Variants in RASSF8 observed in about 807,000 individuals in gnomAD.
RASSF8 encodes the protein Ras association domain family member 8.
Under a neutral mutation model 48.5 loss-of-function variants are expected in RASSF8, and 22 were observed. The ratio of observed to expected loss-of-function variants is 0.45; its 90% CI spans 0.32 to 0.65. The LOEUF (loss-of-function observed/expected upper bound fraction) is 0.65. RASSF8 is among the 30% of genes least tolerant of loss of function. The pLI is 0.03. For synonymous variants in RASSF8, 127 were observed against 171.5 expected, an observed-to-expected ratio of 0.74 and a Z score of 2.03; for missense variants, 418 against 489.2, an observed-to-expected ratio of 0.85 and a Z score of 1.37.
At chr12:26,024,940 C>T (rs537597092) in intron 2 of RASSF8, among the ~76,000 whole-genome samples, 61 of 151,990 alleles carry the variant, frequency 4.0e-4, no homozygotes, top group Non-Finnish European at 6.5e-4. Context: ...GCCTGGGCAA[C>T]AGAGCGAGAC....
Position 26,065,180 on chromosome 12 carries a change from G to T in RASSF8, c.786G>T (p.Leu262Phe), listed in dbSNP as rs770944339. Reference protein sequence around the residue: ...TECENKLKDYLAQIRTMESGL... With the variant: ...TECENKLKDYFAQIRTMESGL... Reference sequence around the variant, plus strand: ...GTGAAAACAAATTAAAGGACTATTTGGCACAGATCCGGACTATGGAAAGTG... The same window carrying T: ...GTGAAAACAAATTAAAGGACTATTTTGCACAGATCCGGACTATGGAAAGTG... Residue 262 changes from leucine to phenylalanine, a missense_variant, in exon 4 of 6, where the codon TTG becomes TTT. Transcript: ENST00000689635. 3.1e-6 allele frequency: 5 copies of T among 1,614,074 alleles called. No individual in the cohort carries two copies. In the Admixed American group the frequency reaches 8.3e-5, roughly 27 times the overall value.
chr12:26,051,124 A>T (rs1006818125), intron 2 of RASSF8, among the ~76,000 whole-genome samples: 2 of 152,188 alleles, frequency 1.3e-5, no homozygotes, highest in Admixed American at 1.3e-4. Context: ...GACACTGGAA[A>T]AGTTATTTAA....
chr12:26,002,836 C>G (rs932401675), intron 2 of RASSF8, among the ~76,000 whole-genome samples: 1 of 152,118 alleles, frequency 6.6e-6, no homozygotes, highest in Non-Finnish European at 1.5e-5. Flanking sequence ...GCATCCTTGT[C>G]TTGTTCCAGT....
chr12:26,035,311 T>C (rs758738232), intron 2 of RASSF8, among the ~76,000 whole-genome samples: 1 of 150,600 alleles, frequency 6.6e-6, no homozygotes, highest in Non-Finnish European at 1.5e-5. Context: ...TTAAACAAAA[T>C]GAAAGTGTTT....
chr12:26,036,450 T>G (rs981424140), intron 2 of RASSF8, among the ~76,000 whole-genome samples: 2 of 152,148 alleles, frequency 1.3e-5, no homozygotes, highest in Non-Finnish European at 2.9e-5. Flanking sequence ...TATTTATTAT[T>G]TTTTAGAAAG....
At chr12:25,996,320 TTCTC>T (rs1477794102) in intron 2 of RASSF8, among the ~76,000 whole-genome samples, 8 of 152,178 alleles carry the variant, frequency 5.3e-5, no homozygotes, top group Non-Finnish European at 1.0e-4. Flanking sequence ...TTGACTAAAG[TTCTC>T]TCTGATTGTC....
At position 25,959,136 on chromosome 12, in the gene RASSF8, G is replaced by C. The variant is rs1035998559; in HGVS notation, c.-215G>C. The C allele has an allele frequency of 1.3e-5, 2 of 151,592 alleles. No individual in the cohort carries two copies. Among genetic ancestry groups the C allele is most frequent in the African/African-American group, 2.4e-5 (1 of 41,380 alleles). The allele number at this position is 151,592 out of a possible 1,614,324, so 9.4% of individuals were successfully genotyped here. On this transcript the variant is annotated 5_prime_UTR_variant, in exon 1 of 6. Coordinates refer to ENST00000689635, the MANE Select transcript of RASSF8 (RefSeq NM_001394098.1). ...CTGGGCGGCCTGCGGGGGCGGCGCAGTTGCGAAACTGAGTAAGTATTAACT... is the reference window on the plus strand; with the variant it reads ...CTGGGCGGCCTGCGGGGGCGGCGCACTTGCGAAACTGAGTAAGTATTAACT...
intron 2 of RASSF8, among the ~76,000 whole-genome samples, chr12:25,998,219 G>T (rs1246154499): frequency 6.6e-6 from 1 of 152,098 alleles, no homozygotes; most frequent in Admixed American, 6.5e-5. Flanking sequence ...GGGTACAAAT[G>T]TATTTTAGTA....
chr12:26,050,070 A>C (rs1430056247), intron 2 of RASSF8, among the ~76,000 whole-genome samples: 1 of 152,248 alleles, frequency 6.6e-6, no homozygotes, highest in Non-Finnish European at 1.5e-5. Context: ...GGCGTGAGCC[A>C]CCACGCCCAG....
chr12:26,061,632 G>A (rs1943745354), intron 3 of RASSF8, among the ~76,000 whole-genome samples: 1 of 152,082 alleles, frequency 6.6e-6, no homozygotes, highest in South Asian at 2.1e-4. Context: ...AGGTTTAACT[G>A]AATGTATCCA....
Position 26,064,932 on chromosome 12 carries a change from A to G in RASSF8, c.538A>G (p.Ile180Val), listed in dbSNP as rs935393108. The change falls in exon 4 of 6, where the codon ATT becomes GTT. Residue 180 changes from isoleucine to valine, a missense_variant. Physicochemically the swap from Ile to Val is conservative, Grantham distance 29. Transcript: ENST00000689635. ...IRLQTEKLQS[I>V]EKQLESNEIE... ...TCTGCAGACAGAGAAGCTTCAATCC[A>G]TTGAGAAACAGCTGGAATCTAATGA... The G allele has an allele frequency of 1.2e-6, 2 of 1,614,070 alleles. No homozygotes were observed. The highest frequency in any genetic ancestry group is 2.7e-5 in the African/African-American group (2 of 74,946).
chr12:26,023,639 C>T (rs77364790), intron 2 of RASSF8, among the ~76,000 whole-genome samples: 269 of 151,076 alleles, frequency 1.8e-3, no homozygotes, highest in African/African-American at 6.2e-3. Flanking sequence ...TAACTCCAGA[C>T]GGTAATTTGA....
chr12:25,971,722 C>T (rs1369655781), intron 1 of RASSF8, among the ~76,000 whole-genome samples: 31 of 152,176 alleles, frequency 2.0e-4, no homozygotes, highest in Admixed American at 2.0e-3. Flanking sequence ...GATGCAATGG[C>T]ATTAGTAATG....
chr12:26,006,501 A>G (rs1345226920), intron 2 of RASSF8, among the ~76,000 whole-genome samples: 1 of 152,236 alleles, frequency 6.6e-6, no homozygotes, highest in Non-Finnish European at 1.5e-5. Flanking sequence ...TTTTTATTAA[A>G]ATAGTACTGT....
rs930835971 is a variant in RASSF8, at chr12:26,044,854, A to G, written c.-108-10382A>G. 2.6e-5 allele frequency among the ~76,000 whole-genome samples: 4 copies of G among 152,102 alleles called. No individual in the cohort carries two copies. In the South Asian group the frequency reaches 8.3e-4, roughly 32 times the overall value. Reference sequence around the variant, plus strand: ...AATTAATTGCAGAGCAGCACACAGTATCTCTTTAAAGAGAATGACAACTAT... The same window carrying G: ...AATTAATTGCAGAGCAGCACACAGTGTCTCTTTAAAGAGAATGACAACTAT... On this transcript the variant is annotated intron_variant, in intron 2 of 5. Coordinates refer to ENST00000689635, the MANE Select transcript of RASSF8 (RefSeq NM_001394098.1).
rs1348618755 is a variant in RASSF8 at position 26,028,039 on chromosome 12, C to T, written c.-108-27197C>T. The stretch of plus-strand genomic sequence containing the variant: ...AGTATGAAGAAAGCCCATGCAGCAT[C>T]GGGGTCTTGGTGAACCTGTTGGAAC... On this transcript the variant is annotated intron_variant, in intron 2 of 5. Coordinates refer to ENST00000689635, the MANE Select transcript of RASSF8 (RefSeq NM_001394098.1). 3.3e-5 allele frequency among the ~76,000 whole-genome samples: 5 copies of T among 152,094 alleles called. No homozygotes were observed. In the East Asian group the frequency reaches 5.8e-4, roughly 18 times the overall value.
At chr12:26,020,920 G>A (rs1034891550) in intron 2 of RASSF8, among the ~76,000 whole-genome samples, 1 of 152,078 alleles carries the variant, frequency 6.6e-6, no homozygotes, top group African/African-American at 2.4e-5. Flanking sequence ...TCTTACGAAG[G>A]ACTAAATATA....
At chr12:26,018,153 A>G (rs1942696071) in intron 2 of RASSF8, among the ~76,000 whole-genome samples, 1 of 152,160 alleles carries the variant, frequency 6.6e-6, no homozygotes, top group Admixed American at 6.5e-5. Flanking sequence ...GTCACTATAA[A>G]CACCAGTTTT....
rs571531385 is a variant in RASSF8, at chr12:26,046,183, G to A, written c.-108-9053G>A. Among the ~76,000 whole-genome samples, 234 of 152,298 alleles carry A rather than the reference G, an allele frequency of 1.5e-3. 1 individual carries two copies. Among genetic ancestry groups the A allele is most frequent in the African/African-American group, 5.4e-3 (226 of 41,566 alleles). On this transcript the variant is annotated intron_variant, in intron 2 of 5. Transcript: ENST00000689635. ...TCTCCTTATTTCTGTGGCAACAATT[G>A]ACTAAATTTATATCATTTGGTTTAG... is the stretch of plus-strand genomic sequence containing the variant.
Sources: gnomAD v4.1 joint callset for allele counts (sites outside exome capture counted in the v4.1 genomes callset) on GRCh38, gnomAD v4.1.1 for gene constraint, MANE v1.5 for transcripts, NCBI Gene and HGNC (gene_info 2026-07-23, HGNC 2026-07-21) for gene names.